MARCHF1: variants seen among roughly 807,000 people sequenced by gnomAD.
The protein encoded by MARCHF1 is E3 ubiquitin-protein ligase MARCHF1.
Under a neutral mutation model 54.2 loss-of-function variants are expected in MARCHF1, and 40 were observed. The observed-to-expected ratio is 0.74, with a 90% CI of 0.57 to 0.96. The LOEUF (loss-of-function observed/expected upper bound fraction) is 0.96. Among genes scored for constraint, MARCHF1 ranks in the 40% least tolerant of loss-of-function variants. The probability of loss-of-function intolerance (pLI) is 0.00; values close to 1 mark genes in which losing one functional copy is unlikely to be tolerated. For missense variants in MARCHF1, 586 were observed against 656.5 expected, an observed-to-expected ratio of 0.89 and a Z score of 1.17; for synonymous variants, 236 against 236.3, an observed-to-expected ratio of 1.00 and a Z score of 0.01.
At chr4:164,065,527 T>C (rs1754708340) in intron 2 of MARCHF1, among the ~76,000 whole-genome samples, 1 of 152,178 alleles carries the variant, frequency 6.6e-6, no homozygotes, top group Admixed American at 6.5e-5. Context: ...AGGAGGATTT[T>C]TGCAAAATGT....
rs535326950 is a variant in MARCHF1, at chr4:164,131,251, G to GT, written c.-322-19590_-322-19589insA. Among the ~76,000 whole-genome samples, 878 of 152,168 alleles carry GT rather than the reference G, an allele frequency of 5.8e-3. 11 individuals carry two copies. The highest frequency in any genetic ancestry group is 0.02 in the African/African-American group (848 of 41,524). On this transcript the variant is annotated intron_variant, in intron 1 of 9. Coordinates refer to ENST00000514618, the MANE Select transcript of MARCHF1 (RefSeq NM_001394959.1). ...AGAATGCCACTGGGGGTTGCCATGG[G>GT]ATACAGTTTCATAAAAGCATTTGCA...
intron 5 of MARCHF1, among the ~76,000 whole-genome samples, chr4:163,634,374 T>C (rs1460533177): frequency 1.7e-4 from 25 of 149,392 alleles, no homozygotes; most frequent in Admixed American, 6.0e-4. Flanking sequence ...GAGACACACA[T>C]AGGCTCAAAA....
At chr4:163,603,975 T>C (rs1741062075) in intron 7 of MARCHF1, among the ~76,000 whole-genome samples, 1 of 152,118 alleles carries the variant, frequency 6.6e-6, no homozygotes, top group Non-Finnish European at 1.5e-5. Context: ...CTTTTTATAC[T>C]CTCCCTTTTC....
At chr4:164,101,708 C>A (rs1579534633) in intron 2 of MARCHF1, among the ~76,000 whole-genome samples, 1 of 128,918 alleles carries the variant, frequency 7.8e-6, no homozygotes, top group East Asian at 2.1e-4. Flanking sequence ...CAGAGCGCCT[C>A]TCCTCCTCCA....
chr4:164,188,966 A>G, intron 1 of MARCHF1: 2 of 730,894 alleles, frequency 2.7e-6, no homozygotes, highest in Non-Finnish European at 5.1e-6. Context: ...AAATGTTATG[A>G]GGATCATTAA....
intron 1 of MARCHF1, among the ~76,000 whole-genome samples, chr4:164,275,932 A>G (rs1733870376): frequency 6.6e-6 from 1 of 152,192 alleles, no homozygotes; most frequent in South Asian, 2.1e-4. Flanking sequence ...CAAGTTATCC[A>G]TTACACTATT....
chr4:163,565,578 C>G (rs1279555684), intron 8 of MARCHF1, among the ~76,000 whole-genome samples: 2 of 152,144 alleles, frequency 1.3e-5, no homozygotes, highest in African/African-American at 4.8e-5. Context: ...TATTAGTTCT[C>G]ACTTTTTATC....
At chr4:163,838,104 A>C (rs1404517543) in intron 4 of MARCHF1, among the ~76,000 whole-genome samples, 1 of 152,136 alleles carries the variant, frequency 6.6e-6, no homozygotes, top group Admixed American at 6.5e-5. Flanking sequence ...AGGGAAAGCT[A>C]TGCTTTGATG....
intron 5 of MARCHF1, among the ~76,000 whole-genome samples, chr4:163,649,942 T>A (rs1466170460): frequency 1.3e-5 from 2 of 151,984 alleles, no homozygotes; most frequent in African/African-American, 2.4e-5. Context: ...GAGAAGGTGA[T>A]TTCTGACTCA....
At chr4:163,770,564 A>AC in intron 4 of MARCHF1, among the ~76,000 whole-genome samples, 4 of 147,394 alleles carry the variant, frequency 2.7e-5, no homozygotes, top group African/African-American at 1.0e-4. Context: ...ACACACACAC[A>AC]AACACACACA....
chr4:164,362,884 A>G (rs909128183), intron 1 of MARCHF1, among the ~76,000 whole-genome samples: 2 of 152,014 alleles, frequency 1.3e-5, no homozygotes, highest in African/African-American at 2.4e-5. Flanking sequence ...TTGTCTTTCA[A>G]TTGTTTTTCT....
chr4:163,875,760 C>T (rs145031568), intron 3 of MARCHF1, among the ~76,000 whole-genome samples: 141 of 152,194 alleles, frequency 9.3e-4, no homozygotes, highest in African/African-American at 3.1e-3. Context: ...AACAATACAA[C>T]GAGGTCAGGT....
intron 4 of MARCHF1, among the ~76,000 whole-genome samples, chr4:163,714,649 G>A (rs1243376803): frequency 6.6e-6 from 1 of 152,022 alleles, no homozygotes; most frequent in Non-Finnish European, 1.5e-5. Context: ...GGAAGTATAC[G>A]ACAATTAACA....
At chr4:164,293,403 A>C (rs1422409407) in intron 1 of MARCHF1, among the ~76,000 whole-genome samples, 1 of 152,182 alleles carries the variant, frequency 6.6e-6, no homozygotes, top group East Asian at 1.9e-4. Context: ...GGGTATAACA[A>C]ATTAAGCTGT....
intron 4 of MARCHF1, among the ~76,000 whole-genome samples, chr4:163,796,427 T>C (rs1319682560): frequency 6.6e-6 from 1 of 152,020 alleles, no homozygotes; most frequent in Admixed American, 6.6e-5. Flanking sequence ...TTTATAAGTA[T>C]GTAGTCAAGC....
intron 4 of MARCHF1, among the ~76,000 whole-genome samples, chr4:163,783,043 G>C (rs1281482743): frequency 4.6e-5 from 7 of 151,992 alleles, no homozygotes. Context: ...TAAAGATAAA[G>C]AAAGATCAGA....
At chr4:163,638,713 T>C (rs1035266138) in intron 5 of MARCHF1, among the ~76,000 whole-genome samples, 34 of 152,312 alleles carry the variant, frequency 2.2e-4, no homozygotes, top group African/African-American at 7.2e-4. Context: ...TATTTGTACA[T>C]TCACATTCAT....
intron 2 of MARCHF1, among the ~76,000 whole-genome samples, chr4:164,091,895 T>A (rs985017909): frequency 6.9e-6 from 1 of 144,710 alleles, no homozygotes; most frequent in African/African-American, 2.5e-5. Flanking sequence ...TGTGTGTGTG[T>A]CTGTATGTGT....
chr4:163,679,666 G>C (rs977938475), intron 5 of MARCHF1, among the ~76,000 whole-genome samples: 4 of 150,160 alleles, frequency 2.7e-5, no homozygotes, highest in Non-Finnish European at 5.9e-5. Flanking sequence ...AGGCTGGAGT[G>C]CAGTGGCACA....
Sources: gnomAD v4.1 joint callset for allele counts (sites outside exome capture counted in the v4.1 genomes callset) on GRCh38, gnomAD v4.1.1 for gene constraint, MANE v1.5 for transcripts, NCBI Gene and HGNC (gene_info 2026-07-23, HGNC 2026-07-21) for gene names.